Variants in PIK3C2G observed in about 807,000 individuals in gnomAD.
The protein encoded by PIK3C2G is phosphatidylinositol-4-phosphate 3-kinase catalytic subunit type 2 gamma, also known as phosphatidylinositol 3-kinase C2 domain-containing subunit gamma.
A neutral mutation model predicts 181.1 loss-of-function variants in PIK3C2G; 168 were observed. The observed-to-expected ratio is 0.93, with a 90% CI of 0.82 to 1.05. PIK3C2G has a LOEUF of 1.05. PIK3C2G is among the 50% of genes least tolerant of loss of function. The pLI, the probability that PIK3C2G is intolerant of heterozygous loss-of-function variation, is 0.00. For synonymous variants in PIK3C2G, 573 were observed against 592.2 expected, an observed-to-expected ratio of 0.97 and a Z score of 0.47; for missense variants, 1,869 against 1,732.8, an observed-to-expected ratio of 1.08 and a Z score of -1.40.
chr12:18,482,926 T>C (rs1349664110), intron 18 of PIK3C2G, among the ~76,000 whole-genome samples: 1 of 152,214 alleles, frequency 6.6e-6, no homozygotes, highest in East Asian at 1.9e-4. Context: ...TGATAACCCT[T>C]GAAGAGTTAT....
At chr12:18,529,393 A>T (rs1050183655) in intron 24 of PIK3C2G, among the ~76,000 whole-genome samples, 4 of 152,148 alleles carry the variant, frequency 2.6e-5, no homozygotes, top group Non-Finnish European at 5.9e-5. Flanking sequence ...AAGCTCATGT[A>T]AGTTAAACAT....
At chr12:18,637,238 A>C (rs1454086713) in intron 31 of PIK3C2G, among the ~76,000 whole-genome samples, 2 of 152,112 alleles carry the variant, frequency 1.3e-5, no homozygotes, top group Admixed American at 1.3e-4. Flanking sequence ...TAACAGTATA[A>C]ATTTTGGATA....
At chr12:18,639,126 A>G (rs1425359766) in intron 31 of PIK3C2G, among the ~76,000 whole-genome samples, 2 of 152,106 alleles carry the variant, frequency 1.3e-5, no homozygotes, top group East Asian at 3.9e-4. Flanking sequence ...CATTCTTAAC[A>G]TATTGACAAA....
At position 18,546,303 on chromosome 12, in the gene PIK3C2G, T is replaced by C. The variant is rs750282521; in HGVS notation, c.3481-20T>C. 2 of 1,361,644 alleles carry C rather than the reference T, an allele frequency of 1.5e-6. No individual in the cohort carries two copies. Among genetic ancestry groups the C allele is most frequent in the East Asian group, 2.4e-5 (1 of 42,182 alleles). The allele number at this position is 1,361,644 out of a possible 1,614,324, so 84.3% of individuals were successfully genotyped here. On this transcript the variant is annotated intron_variant, in intron 25 of 32. Transcript: ENST00000538779. ...TTATTCTGTCTTCTTTTTGCTTTGC[T>C]TGTTCTTGTTGTGGTTAAGATGCTG...
chr12:18,684,577 T>C, the PIK3C2G span, among the ~76,000 whole-genome samples: 1 of 152,172 alleles, frequency 6.6e-6, no homozygotes, highest in African/African-American at 2.4e-5. Context: ...TTCCTAAGGT[T>C]TCACATATGT....
intron 29 of PIK3C2G, among the ~76,000 whole-genome samples, chr12:18,591,883 T>G (rs143103959): frequency 3.3e-5 from 5 of 152,026 alleles, no homozygotes; most frequent in South Asian, 2.1e-4. Context: ...TGGAACTAGA[T>G]GATATTAGTA....
chr12:18,391,015 G>T (rs1375796437), intron 14 of PIK3C2G, 107 bp from the exon 15 acceptor site: 1 of 698,104 alleles, frequency 1.4e-6, no homozygotes, highest in Non-Finnish European at 2.0e-6. Context: ...AGAAAAAATA[G>T]AATTTATTCT....
At chr12:18,641,272 C>T (rs376192583) in intron 32 of PIK3C2G, among the ~76,000 whole-genome samples, 10 of 151,856 alleles carry the variant, frequency 6.6e-5, no homozygotes, top group Non-Finnish European at 1.5e-4. Flanking sequence ...ACATGATCTG[C>T]TTTCCCTTCA....
intron 1 of PIK3C2G, among the ~76,000 whole-genome samples, chr12:18,271,596 T>C (rs931276833): frequency 6.6e-6 from 1 of 152,162 alleles, no homozygotes; most frequent in East Asian, 1.9e-4. Flanking sequence ...CAAAGTGAGA[T>C]GGCAGTGGCT....
At chr12:18,489,707 T>C (rs1051377649) in intron 19 of PIK3C2G, among the ~76,000 whole-genome samples, 29 of 152,192 alleles carry the variant, frequency 1.9e-4, no homozygotes, top group African/African-American at 6.8e-4. Context: ...GTTCATTAAT[T>C]ATTTTGTAAT....
intron 1 of PIK3C2G, among the ~76,000 whole-genome samples, chr12:18,253,553 T>A (rs1270866522): frequency 6.6e-6 from 1 of 152,138 alleles, no homozygotes; most frequent in African/African-American, 2.4e-5. Context: ...TAAAGACCAA[T>A]GCAATTTCAG....
chr12:18,456,040 A>G (rs1453434237), intron 18 of PIK3C2G, among the ~76,000 whole-genome samples: 1 of 152,140 alleles, frequency 6.6e-6, no homozygotes, highest in African/African-American at 2.4e-5. Flanking sequence ...TAAGCATTCA[A>G]ATGTGCCCCT....
intron 5 of PIK3C2G, among the ~76,000 whole-genome samples, chr12:18,303,325 TTCTC>T (rs199849468): frequency 1.4e-5 from 2 of 145,888 alleles, no homozygotes; most frequent in Non-Finnish European, 3.0e-5. Flanking sequence ...CTTTCTCTCT[TTCTC>T]TCTCTCTCTT....
the PIK3C2G span, among the ~76,000 whole-genome samples, chr12:18,694,672 G>C: frequency 6.6e-6 from 1 of 152,232 alleles, no homozygotes; most frequent in South Asian, 2.1e-4. Context: ...TTTGAGAGGA[G>C]AAGGTTTTAG....
chr12:18,404,608 G>A (rs1944418692), intron 16 of PIK3C2G, among the ~76,000 whole-genome samples: 1 of 152,180 alleles, frequency 6.6e-6, no homozygotes, highest in African/African-American at 2.4e-5. Flanking sequence ...GCGGGGAAAT[G>A]ACATTCCAAG....
chr12:18,267,294 C>T (rs1042313158), intron 1 of PIK3C2G, among the ~76,000 whole-genome samples: 1 of 151,910 alleles, frequency 6.6e-6, no homozygotes, highest in Non-Finnish European at 1.5e-5. Context: ...TACCCAATTT[C>T]TTCTTTTTTT....
the PIK3C2G span, among the ~76,000 whole-genome samples, chr12:18,658,643 C>A: frequency 6.6e-6 from 1 of 152,096 alleles, no homozygotes; most frequent in African/African-American, 2.4e-5. Context: ...TAAATAATAG[C>A]ATTAAAGTAC....
At chr12:18,553,878 T>C (rs1469615395) in intron 26 of PIK3C2G, among the ~76,000 whole-genome samples, 1 of 152,134 alleles carries the variant, frequency 6.6e-6, no homozygotes, top group Non-Finnish European at 1.5e-5. Flanking sequence ...TCATTGGTAG[T>C]AGATTTTCTG....
chr12:18,452,824 C>G (rs973881631), intron 18 of PIK3C2G, among the ~76,000 whole-genome samples: 3 of 151,996 alleles, frequency 2.0e-5, no homozygotes, highest in Non-Finnish European at 4.4e-5. Flanking sequence ...CGTTATTTAC[C>G]CAGGAGTCAT....
Sources: gnomAD v4.1 joint callset for allele counts (sites outside exome capture counted in the v4.1 genomes callset) on GRCh38, gnomAD v4.1.1 for gene constraint, MANE v1.5 for transcripts, NCBI Gene and HGNC (gene_info 2026-07-23, HGNC 2026-07-21) for gene names.